Variants in LSS observed in about 807,000 individuals in gnomAD.
LSS encodes 2,3-epoxysqualene-lanosterol cyclase.
Under a neutral mutation model 110.3 loss-of-function variants are expected in LSS, and 90 were observed. The ratio of observed to expected loss-of-function variants is 0.82; its 90% CI spans 0.69 to 0.97. LSS has a LOEUF of 0.97. Ranked by LOEUF, LSS falls within the 50% of genes least tolerant of loss-of-function variation. The pLI is 0.00. For missense variants in LSS, 927 were observed against 990.0 expected, an observed-to-expected ratio of 0.94 and a Z score of 0.85; for synonymous variants, 433 against 400.0, an observed-to-expected ratio of 1.08 and a Z score of -0.98.
chr21:46,216,482 C>T lies in LSS; in HGVS notation c.690G>A (p.Trp230Ter), dbSNP rs770919310. ...DWAPAHPSTL[W>*]CHCRQVYLPM... ...GCAGGTACACCTGCCGGCAGTGGCA[C>T]CAGAGTGTGGAGGGGTGTGCCGGTG... Residue 230 changes from tryptophan to a stop codon, truncating the protein, a stop_gained, in exon 7 of 22, where the codon TGG becomes TGA. Transcript: ENST00000397728. LOFTEE classifies it high-confidence loss of function. This position sits in a 1 kb window ranked among gnomAD's most constrained non-coding sequence, Gnocchi z 4.2. 6.2e-7 allele frequency: 1 copy of T among 1,613,362 alleles called. No homozygotes were observed. The highest frequency in any genetic ancestry group is 8.5e-7 in the Non-Finnish European group (1 of 1,179,736).
Position 46,210,735 on chromosome 21 carries a change from C to A in LSS, c.1147G>T (p.Gly383Cys). Reference sequence around the variant, plus strand: ...AATGCGGTGTCCCAGATCTGTGAGCCGTTGGTGCCCTACACACAAAGGATG... The same window carrying A: ...AATGCGGTGTCCCAGATCTGTGAGCAGTTGGTGCCCTACACACAAAGGATG... ...LDGMKMQGTN[G>C]SQIWDTAFAI... The change falls in exon 12 of 22, where the codon GGC (glycine) becomes TGC (cysteine). Residue 383 changes from glycine to cysteine, a missense_variant. By Grantham distance (159) the Gly-to-Cys change is radical. Transcript: ENST00000397728. The A allele has an allele frequency of 1.9e-6, 3 of 1,614,010 alleles. No homozygotes were observed. The highest frequency in any genetic ancestry group is 2.5e-6 in the Non-Finnish European group (3 of 1,179,980).
At chr21:46,221,757 T>C in intron 5 of LSS, 97 bp downstream of exon 5, 2 of 1,558,020 alleles carry the variant, frequency 1.3e-6, no homozygotes, top group Admixed American at 3.4e-5. Flanking sequence ...TTGCCCACTG[T>C]TTCAGCTGCA....
At position 46,191,847 on chromosome 21, in the gene LSS, T is replaced by C. The variant is rs766160061; in HGVS notation, c.2067+34A>G. ...AGCCATGCACGCTGGAGGTCAGTGC[T>C]GGGCCTTGTGCGCTCAGGTCCCTGG... On this transcript the variant is annotated intron_variant, in intron 21 of 21. Coordinates refer to ENST00000397728, the MANE Select transcript of LSS (RefSeq NM_002340.6). 2.5e-6 allele frequency: 4 copies of C among 1,585,430 alleles called. No homozygotes were observed. The Admixed American group carries it at 6.8e-5, about 27-fold the overall frequency.
At chr21:46,218,574 A>T (rs2080236236) in intron 6 of LSS, among the ~76,000 whole-genome samples, 1 of 152,062 alleles carries the variant, frequency 6.6e-6, no homozygotes, top group Non-Finnish European at 1.5e-5. Flanking sequence ...CAGTGACCCC[A>T]AATCACGCCA....
intron 2 of LSS, 60 bp downstream of exon 2, chr21:46,228,374 C>A: frequency 6.4e-7 from 1 of 1,556,970 alleles, no homozygotes; most frequent in Non-Finnish European, 8.7e-7. Context: ...AGAAAACGTG[C>A]TCCTCACGGC....
chr21:46,228,326 G>C, intron 2 of LSS, 108 bp downstream of exon 2: 1 of 1,304,664 alleles, frequency 7.7e-7, no homozygotes, highest in Non-Finnish European at 1.0e-6. Flanking sequence ...CTTGGGGATG[G>C]GCGTCGCTGG....
chr21:46,205,126 C>A (rs953991889), intron 17 of LSS, among the ~76,000 whole-genome samples: 1 of 152,192 alleles, frequency 6.6e-6, no homozygotes, highest in African/African-American at 2.4e-5. Context: ...CAGGTGCCCC[C>A]AAAAGATAAG....
Position 46,216,271 on chromosome 21 carries a change from G to A in LSS, c.783+118C>T, listed in dbSNP as rs946374818. ...GAAGGTGGAGGCTCTGCTCCACAGG[G>A]CTCTCCGCTCCACAGGGCCACCAGG... On this transcript the variant is annotated intron_variant, in intron 7 of 21. Coordinates refer to ENST00000397728, the MANE Select transcript of LSS (RefSeq NM_002340.6). This position sits in a 1 kb window ranked among gnomAD's most constrained non-coding sequence, Gnocchi z 4.2. 4.7e-6 allele frequency: 6 copies of A among 1,285,454 alleles called. No homozygotes were observed. Among genetic ancestry groups the A allele is most frequent in the African/African-American group, 2.9e-5 (2 of 68,106 alleles). The allele number at this position is 1,285,454 out of a possible 1,614,324, so 79.6% of individuals were successfully genotyped here.
chr21:46,222,009 T>A, intron 4 of LSS, 34 bp from the exon 5 acceptor site: 1 of 1,612,038 alleles, frequency 6.2e-7, no homozygotes, highest in Non-Finnish European at 8.5e-7. Context: ...GAAACCGGTA[T>A]CTGTCCTTAC....
intron 7 of LSS, 123 bp from the exon 8 acceptor site, chr21:46,215,916 G>A: frequency 1.6e-6 from 1 of 643,520 alleles, no homozygotes; most frequent in Non-Finnish European, 2.6e-6. Context: ...CCTGGGTGGG[G>A]GTCCCTCCAG....
At chr21:46,226,879 G>T (rs1318274825) in intron 3 of LSS, among the ~76,000 whole-genome samples, 2 of 152,310 alleles carry the variant, frequency 1.3e-5, no homozygotes, top group East Asian at 3.9e-4. Context: ...CGTAGTAAAA[G>T]AAAATGATGT....
intron 19 of LSS, 35 bp downstream of exon 19, chr21:46,195,640 GA>G (rs1466539707): frequency 1.3e-6 from 2 of 1,573,562 alleles, no homozygotes; most frequent in Non-Finnish European, 1.7e-6. Flanking sequence ...ATTGGGTTGA[GA>G]ACCCCCACCC....
At chr21:46,192,049 C>T (rs2079824215) in intron 20 of LSS, 90 bp from the exon 21 acceptor site, 2 of 985,236 alleles carry the variant, frequency 2.0e-6, no homozygotes, top group East Asian at 5.1e-5. Flanking sequence ...AGGGCAAACC[C>T]TGGAATGCTG....
chr21:46,216,328 C>A lies in LSS; in HGVS notation c.783+61G>T, dbSNP rs2080206107. ...GACAGGTGTGGTTAGATTCCAGAAG[C>A]CCCAGGCCCTGTGGGTCCCAGCCCC... On this transcript the variant is annotated intron_variant, in intron 7 of 21. Transcript: ENST00000397728. The surrounding 1 kb of genome is among the most constrained non-coding windows in gnomAD (Gnocchi z 4.2). 6.8e-6 allele frequency: 11 copies of A among 1,607,330 alleles called. No individual in the cohort carries two copies. The highest frequency in any genetic ancestry group is 6.8e-6 in the Non-Finnish European group (8 of 1,176,486).
intron 17 of LSS, 132 bp downstream of exon 17, chr21:46,205,704 C>T (rs902314436): frequency 4.7e-5 from 31 of 656,846 alleles, no homozygotes; most frequent in South Asian, 7.6e-5. Flanking sequence ...CCACAACATC[C>T]GAAGCCTCTT....
At chr21:46,200,781 T>C (rs893343996) in intron 17 of LSS, among the ~76,000 whole-genome samples, 10 of 152,256 alleles carry the variant, frequency 6.6e-5, no homozygotes, top group Middle Eastern at 3.4e-3. Context: ...ACCCATGATA[T>C]TGGATTAAAG....
At chr21:46,222,823 T>C in intron 3 of LSS, 85 bp from the exon 4 acceptor site, 1 of 961,526 alleles carries the variant, frequency 1.0e-6, no homozygotes, top group Non-Finnish European at 1.6e-6. Flanking sequence ...AGCACCTCAC[T>C]CCAACAGGGA....
intron 3 of LSS, among the ~76,000 whole-genome samples, 172 bp from the exon 4 acceptor site, chr21:46,222,910 G>C (rs1481368597): frequency 6.6e-6 from 1 of 152,214 alleles, no homozygotes; most frequent in African/African-American, 2.4e-5. Context: ...TGGGAACAGG[G>C]CCAGAAGGAA....
intron 17 of LSS, among the ~76,000 whole-genome samples, chr21:46,199,477 C>T (rs1208935847): frequency 3.9e-5 from 6 of 152,232 alleles, no homozygotes; most frequent in Admixed American, 2.6e-4. Flanking sequence ...ACTAAACACA[C>T]TCTTACCATA....
Sources: gnomAD v4.1 joint callset for allele counts (sites outside exome capture counted in the v4.1 genomes callset) on GRCh38, gnomAD v4.1.1 for gene constraint, Gnocchi (gnomAD v3.1) non-coding constraint, MANE v1.5 for transcripts, NCBI Gene and HGNC (gene_info 2026-07-23, HGNC 2026-07-21) for gene names.